The following IL6ST variants were observed in gnomAD, a reference collection of about 807,000 sequenced individuals.
The protein encoded by IL6ST is interleukin-6 receptor subunit beta.
Under a neutral mutation model 91.3 loss-of-function variants are expected in IL6ST, and 24 were observed. The ratio of observed to expected loss-of-function variants is 0.26; its 90% CI spans 0.19 to 0.37. IL6ST has a LOEUF of 0.37. IL6ST is among the 10% of genes least tolerant of loss of function. The probability of loss-of-function intolerance (pLI) is 1.00; values close to 1 mark genes in which losing one functional copy is unlikely to be tolerated. For missense variants in IL6ST, 914 were observed against 1,078.5 expected, an observed-to-expected ratio of 0.85 and a Z score of 2.14; for synonymous variants, 351 against 373.6, an observed-to-expected ratio of 0.94 and a Z score of 0.70.
intron 3 of IL6ST, among the ~76,000 whole-genome samples, chr5:55,975,415 A>G (rs1753229112): frequency 6.6e-6 from 1 of 152,132 alleles, no homozygotes; most frequent in South Asian, 2.1e-4. Context: ...CCTCCCCAGA[A>G]GCAGATGCCA....
chr5:55,955,929 C>T (rs1051927628), intron 10 of IL6ST, 96 bp downstream of exon 10: 1 of 676,342 alleles, frequency 1.5e-6, no homozygotes, highest in African/African-American at 1.8e-5. Context: ...ACTGAGGAGA[C>T]AGTCTTAGAT....
At chr5:55,990,273 G>A (rs79857189) in intron 1 of IL6ST, among the ~76,000 whole-genome samples, 4,946 of 150,392 alleles carry the variant, frequency 0.033, 190 homozygotes, top group African/African-American at 0.084. Flanking sequence ...CTAGATAGCC[G>A]CAAAGTTTAA....
chr5:55,949,512 ATGTGTGTG>A (rs1561161718), intron 14 of IL6ST, among the ~76,000 whole-genome samples: 1 of 152,074 alleles, frequency 6.6e-6, no homozygotes, highest in African/African-American at 2.4e-5. Context: ...ATGGGCTTTT[ATGTGTGTG>A]TGTACACACA....
rs543258529 is a variant in IL6ST at position 55,962,783 on chromosome 5, T to G, written c.813+569A>C. On this transcript the variant is annotated intron_variant, in intron 7 of 16. Transcript: ENST00000381298. ...TTTATTTTTGCTCCTCTACTTAATTTGCTTTATTACTTGTATTCTTTGTAA... is the reference window on the plus strand; with the variant it reads ...TTTATTTTTGCTCCTCTACTTAATTGGCTTTATTACTTGTATTCTTTGTAA... 2.6e-5 allele frequency among the ~76,000 whole-genome samples: 4 copies of G among 152,274 alleles called. No individual in the cohort carries two copies. In the South Asian group the frequency reaches 8.3e-4, roughly 32 times the overall value.
intron 3 of IL6ST, among the ~76,000 whole-genome samples, chr5:55,971,754 A>C (rs1166816546): frequency 6.6e-6 from 1 of 152,134 alleles, no homozygotes; most frequent in East Asian, 1.9e-4. Flanking sequence ...GGATTGCTTG[A>C]GCCCAAGAGG....
At chr5:55,989,169 AG>A (rs1253057515) in intron 1 of IL6ST, among the ~76,000 whole-genome samples, 4 of 151,096 alleles carry the variant, frequency 2.6e-5, no homozygotes, top group East Asian at 1.9e-4. Context: ...AAAAAAAAAA[AG>A]GGCAGTCTAA....
At position 55,936,364 on chromosome 5, in the gene IL6ST, T is replaced by TTTAA; in HGVS notation, c.*4717_*4718insTTAA. The stretch of plus-strand genomic sequence containing the variant: ...AGGTTTTTTTTTTTTTTTTTTTTTT[T>TTTAA]AATGTCCACTAGGAGGGAGGATGCT... On this transcript the variant is annotated 3_prime_UTR_variant, in exon 17 of 17. Coordinates refer to ENST00000381298, the MANE Select transcript of IL6ST (RefSeq NM_002184.4). 1 of 187,498 alleles carries TTTAA rather than the reference T, an allele frequency of 5.3e-6. No individual in the cohort carries two copies. The highest frequency in any genetic ancestry group is 1.1e-5 in the Non-Finnish European group (1 of 93,688). The allele number at this position is 187,498 out of a possible 1,614,324, so 11.6% of individuals were successfully genotyped here.
chr5:55,969,323 G>T (rs1291535007), intron 4 of IL6ST, among the ~76,000 whole-genome samples: 1 of 150,304 alleles, frequency 6.7e-6, no homozygotes, highest in African/African-American at 2.5e-5. Context: ...TTCCTGTGGT[G>T]GGGGGGGTCT....
chr5:55,987,726 C>T (rs1754052712), intron 1 of IL6ST, among the ~76,000 whole-genome samples: 1 of 152,198 alleles, frequency 6.6e-6, no homozygotes, highest in South Asian at 2.1e-4. Flanking sequence ...TTAAATAACT[C>T]ATTATACATA....
Position 55,964,180 on chromosome 5 carries a change from T to G in IL6ST, c.624A>C (p.Thr208=), listed in dbSNP as rs1005605562. ...CAGGATCAAAATTGATATGATCTGA[T>G]GTAACCTTCCCAAGGGCATTCTCTG... is the stretch of plus-strand genomic sequence containing the variant. ...VEAENALGKV[T]SDHINFDPVY... is the part of the protein sequence containing the mutation. The change falls in exon 6 of 17, where the codon ACA becomes ACC. Residue 208 remains threonine, a synonymous_variant. Coordinates refer to ENST00000381298, the MANE Select transcript of IL6ST (RefSeq NM_002184.4). 1 of 1,609,596 alleles carries G rather than the reference T, an allele frequency of 6.2e-7. No homozygotes were observed. Among genetic ancestry groups the G allele is most frequent in the Non-Finnish European group, 8.5e-7 (1 of 1,177,756 alleles).
At chr5:55,963,256 C>A in intron 7 of IL6ST, 96 bp downstream of exon 7, 1 of 863,488 alleles carries the variant, frequency 1.2e-6, no homozygotes, top group East Asian at 2.6e-5. Context: ...TTTCACATAA[C>A]CAGAAACTTA....
chr5:55,961,310 T>C (rs1752300117), intron 7 of IL6ST, among the ~76,000 whole-genome samples: 2 of 152,140 alleles, frequency 1.3e-5, no homozygotes, highest in African/African-American at 4.8e-5. Context: ...AGGGACTACA[T>C]GCAGAGTATA....
At chr5:55,992,824 A>G (rs1714629549) in intron 1 of IL6ST, among the ~76,000 whole-genome samples, 1 of 152,154 alleles carries the variant, frequency 6.6e-6, no homozygotes, top group Admixed American at 6.5e-5. Flanking sequence ...CCTAATTTTA[A>G]TATCTACAGG....
intron 2 of IL6ST, among the ~76,000 whole-genome samples, chr5:55,976,503 T>A (rs763899382): frequency 2.5e-4 from 38 of 152,236 alleles, no homozygotes; most frequent in Non-Finnish European, 4.7e-4. Flanking sequence ...ACATAATTTA[T>A]ACTTTAAGGT....
At chr5:55,969,966 C>A in intron 3 of IL6ST, 111 bp from the exon 4 acceptor site, 1 of 627,450 alleles carries the variant, frequency 1.6e-6, no homozygotes. Flanking sequence ...TAAAATATCC[C>A]TAAAGACACA....
In IL6ST at chr5:55,952,014, C is replaced by A. The variant is rs759691065; in HGVS notation, c.1614G>T (p.Glu538Asp). ...GAACATCAACAGGAAGTTGGTCCCA[C>A]TCTAAGACAGCTTCGTTTTTCCCTA... ...KKVGKNEAVL[E>D]WDQLPVDVQN... is the part of the protein sequence containing the mutation. Residue 538 changes from glutamate to aspartate, a missense_variant, in exon 13 of 17, where the codon GAG becomes GAT. Coordinates refer to ENST00000381298, the MANE Select transcript of IL6ST (RefSeq NM_002184.4). 9 of 1,611,206 alleles carry A rather than the reference C, an allele frequency of 5.6e-6. No homozygotes were observed. Among genetic ancestry groups the A allele is most frequent in the Middle Eastern group, 1.6e-4 (1 of 6,072 alleles).
At chr5:55,975,664 A>G (rs940286688) in intron 3 of IL6ST, among the ~76,000 whole-genome samples, 2 of 152,132 alleles carry the variant, frequency 1.3e-5, no homozygotes, top group African/African-American at 4.8e-5. Flanking sequence ...CACCATGTCC[A>G]GCCAGTATTC....
chr5:55,975,277 T>C (rs912639541), intron 3 of IL6ST, among the ~76,000 whole-genome samples: 65 of 152,036 alleles, frequency 4.3e-4, no homozygotes, highest in African/African-American at 1.5e-3. Flanking sequence ...GAGGAATGAG[T>C]TATTGTGAGC....
At position 55,978,635 on chromosome 5, in the gene IL6ST, G is replaced by A. The variant is rs1753460909; in HGVS notation, c.-15-2342C>T. ...CAGCTACTCAGGAGGCTGAGGCAGA[G>A]AACTGCTTGAACCTGGGAGGCGGAG... On this transcript the variant is annotated intron_variant, in intron 2 of 16. Transcript: ENST00000381298. Among the ~76,000 whole-genome samples, 6 of 152,328 alleles carry A rather than the reference G, an allele frequency of 3.9e-5. No individual in the cohort carries two copies. The South Asian group carries it at 1.2e-3, about 32-fold the overall frequency.
Sources: allele counts gnomAD v4.1 joint callset (sites outside exome capture counted in the v4.1 genomes callset), GRCh38; gene constraint gnomAD v4.1.1; transcripts MANE v1.5; gene names NCBI Gene and HGNC (gene_info 2026-07-23, HGNC 2026-07-21).